CFAP54: variants seen among roughly 807,000 people sequenced by gnomAD.
The protein encoded by CFAP54 is cilia- and flagella-associated protein 54.
A neutral mutation model predicts 370.4 loss-of-function variants in CFAP54; 290 were observed. The observed-to-expected ratio is 0.78, with a 90% CI of 0.71 to 0.86. The LOEUF (loss-of-function observed/expected upper bound fraction) is 0.86, where lower values mean the gene tolerates loss of function less well. Among genes scored for constraint, CFAP54 ranks in the 40% least tolerant of loss-of-function variants. The pLI is 0.00. For synonymous variants in CFAP54, 1,206 were observed against 1,236.5 expected (o/e 0.98, Z 0.52); for missense variants, 3,399 against 3,528.7 (o/e 0.96, Z 0.93).
At chr12:96,826,719 C>T (rs1364429793) in intron 65 of CFAP54, among the ~76,000 whole-genome samples, 1 of 105,008 alleles carries the variant, frequency 9.5e-6, no homozygotes, top group Non-Finnish European at 1.7e-5. Flanking sequence ...TAATATACAA[C>T]AGAATATATT....
chr12:96,813,356 T>A (rs1958945113), intron 64 of CFAP54, among the ~76,000 whole-genome samples: 1 of 152,124 alleles, frequency 6.6e-6, no homozygotes, highest in Non-Finnish European at 1.5e-5. Flanking sequence ...TTCCTTGTGT[T>A]CTTATGAGGC....
At chr12:96,765,314 T>C in intron 60 of CFAP54, 96 bp downstream of exon 60, 1 of 1,155,452 alleles carries the variant, frequency 8.7e-7, no homozygotes, top group Non-Finnish European at 1.2e-6. Context: ...GGCTTTTAGC[T>C]TAGATGGGAT....
intron 67 of CFAP54, among the ~76,000 whole-genome samples, chr12:96,869,688 C>A (rs1960099344): frequency 1.3e-5 from 2 of 152,010 alleles, no homozygotes; most frequent in African/African-American, 4.8e-5. Flanking sequence ...GTAATCCCAG[C>A]ACTTTGGGAG....
intron 49 of CFAP54, among the ~76,000 whole-genome samples, chr12:96,720,169 C>T (rs1957731683): frequency 6.6e-6 from 1 of 152,214 alleles, no homozygotes; most frequent in African/African-American, 2.4e-5. Flanking sequence ...ACCAGCTGTG[C>T]ACACAAGAAA....
intron 32 of CFAP54, among the ~76,000 whole-genome samples, chr12:96,636,175 C>T (rs1592897753): frequency 6.6e-6 from 1 of 152,104 alleles, no homozygotes; most frequent in East Asian, 1.9e-4. Context: ...CTGGAAATTC[C>T]AAGGGTTTGA....
Position 96,792,142 on chromosome 12 carries a change from G to A in CFAP54, c.8680-187G>A, listed in dbSNP as rs61938371. ...TGGGATTACAGGCGTCAGCCACCGCGCCTGGCCAGCATATTTTTACTGTAG... is the reference window on the plus strand; with the variant it reads ...TGGGATTACAGGCGTCAGCCACCGCACCTGGCCAGCATATTTTTACTGTAG... On this transcript the variant is annotated intron_variant, in intron 62 of 67. Transcript: ENST00000524981. 7.8e-3 allele frequency among the ~76,000 whole-genome samples: 1,186 copies of A among 152,254 alleles called. 5 individuals are homozygous for A. Among genetic ancestry groups the A allele is most frequent in the Admixed American group, 0.014 (211 of 15,284 alleles).
chr12:96,854,490 C>T (rs548703050), intron 66 of CFAP54, among the ~76,000 whole-genome samples: 1 of 152,014 alleles, frequency 6.6e-6, no homozygotes, highest in East Asian at 1.9e-4. Context: ...AGGTAAATGG[C>T]ATATGACTAA....
In CFAP54 at chr12:96,743,422, C is replaced by G. The variant is rs1958073958; in HGVS notation, c.7240C>G (p.Leu2414Val). The change falls in exon 53 of 68, where the codon CTG (leucine) becomes GTG (valine). Residue 2414 changes from leucine to valine, a missense_variant. This residue lies in a region of CFAP54 where 2,796 missense variants were observed against 2,869.7 expected (regional missense o/e 0.97). Transcript: ENST00000524981. ...IVKEDDMTDC[L>V]SLINEVCMEA... is the part of the protein sequence containing the mutation. ...TTTAGAGGATGATATGACAGATTGC[C>G]TGAGCCTCATCAATGAAGTGTGTAT... 6.2e-7 allele frequency: 1 copy of G among 1,613,782 alleles called. No homozygotes were observed. Among genetic ancestry groups the G allele is most frequent in the African/African-American group, 1.3e-5 (1 of 74,892 alleles).
chr12:96,655,038 A>AT (rs1045285528), intron 36 of CFAP54, among the ~76,000 whole-genome samples: 3 of 151,396 alleles, frequency 2.0e-5, no homozygotes, highest in Non-Finnish European at 4.4e-5. Flanking sequence ...GGCCAAAAAA[A>AT]TTTTTTTTTA....
intron 39 of CFAP54, among the ~76,000 whole-genome samples, chr12:96,678,604 C>T (rs1322095871): frequency 6.6e-6 from 1 of 152,116 alleles, no homozygotes; most frequent in Non-Finnish European, 1.5e-5. Flanking sequence ...CTCTTTTGTC[C>T]TAATCAAGTT....
Position 96,708,549 on chromosome 12 carries a change from A to G in CFAP54, c.6529-59A>G, listed in dbSNP as rs1957570705. The G allele has an allele frequency of 2.1e-6, 3 of 1,423,484 alleles. No individual in the cohort carries two copies. The African/African-American group carries it at 4.4e-5, about 21-fold the overall frequency. The allele number at this position is 1,423,484 out of a possible 1,614,324, so 88.2% of individuals were successfully genotyped here. Reference sequence around the variant, plus strand: ...ATGTGAACTGCAAAAGAATGAATATAATAATATCTGAAAAAGTATTTTTCT... The same window carrying G: ...ATGTGAACTGCAAAAGAATGAATATGATAATATCTGAAAAAGTATTTTTCT... On this transcript the variant is annotated intron_variant, in intron 47 of 67. Transcript: ENST00000524981.
At chr12:96,530,261 G>T (rs115119847) in intron 9 of CFAP54, among the ~76,000 whole-genome samples, 1 of 152,198 alleles carries the variant, frequency 6.6e-6, no homozygotes, top group Non-Finnish European at 1.5e-5. Context: ...AGGCCAAGAC[G>T]AGCTGATCCC....
In CFAP54 at chr12:96,658,366, A is replaced by G. The variant is rs190770913; in HGVS notation, c.5460+20A>G. The G allele has an allele frequency of 5.6e-6, 9 of 1,613,000 alleles. No homozygotes were observed. The highest frequency in any genetic ancestry group is 5.3e-5 in the African/African-American group (4 of 75,040). On this transcript the variant is annotated intron_variant, in intron 38 of 67. Coordinates refer to ENST00000524981, the MANE Select transcript of CFAP54 (RefSeq NM_001306084.2). ...GAGAAGGTAAGTTTAAGTTAGTTCT[A>G]TTATTCATGCTGTTGTGATTTCTAA...
chr12:96,826,918 A>G (rs1959120566), intron 65 of CFAP54, among the ~76,000 whole-genome samples: 1 of 129,538 alleles, frequency 7.7e-6, no homozygotes, highest in African/African-American at 2.9e-5. Context: ...GCAATTATAT[A>G]TGATTATATA....
intron 39 of CFAP54, among the ~76,000 whole-genome samples, chr12:96,677,955 C>T (rs748140211): frequency 6.6e-6 from 1 of 152,184 alleles, no homozygotes; most frequent in Admixed American, 6.5e-5. Flanking sequence ...TCTTTAGGCT[C>T]ATTCCCATCC....
intron 9 of CFAP54, among the ~76,000 whole-genome samples, chr12:96,528,313 G>A (rs1955405372): frequency 6.6e-6 from 1 of 151,902 alleles, no homozygotes; most frequent in South Asian, 2.1e-4. Flanking sequence ...TTACTGAGTC[G>A]ATCAAATGGC....
At chr12:96,590,535 T>C (rs549266535) in intron 23 of CFAP54, among the ~76,000 whole-genome samples, 9 of 152,358 alleles carry the variant, frequency 5.9e-5, no homozygotes, top group African/African-American at 2.2e-4. Context: ...ATGCAAATAT[T>C]GCTTCAGGCA....
At chr12:96,638,398 G>A (rs1434114777) in intron 32 of CFAP54, among the ~76,000 whole-genome samples, 1 of 151,146 alleles carries the variant, frequency 6.6e-6, no homozygotes, top group Non-Finnish European at 1.5e-5. Flanking sequence ...ACCACACCTG[G>A]CTAATTTTTT....
rs558725214 is a variant in CFAP54 at position 96,616,269 on chromosome 12, A to G, written c.3640-5321A>G. 1.1e-3 allele frequency among the ~76,000 whole-genome samples: 170 copies of G among 152,250 alleles called. 1 individual carries two copies. The highest frequency in any genetic ancestry group is 4.0e-3 in the African/African-American group (167 of 41,524). Reference sequence around the variant, plus strand: ...CAGCAAACTATCCCAAAGACAAAAAACCAAACACCACATATTCTCACTCAT... The same window carrying G: ...CAGCAAACTATCCCAAAGACAAAAAGCCAAACACCACATATTCTCACTCAT... On this transcript the variant is annotated intron_variant, in intron 26 of 67. Coordinates refer to ENST00000524981, the MANE Select transcript of CFAP54 (RefSeq NM_001306084.2).
Sources: gnomAD v4.1 joint callset for allele counts (sites outside exome capture counted in the v4.1 genomes callset) on GRCh38, gnomAD v4.1.1 for gene constraint, gnomAD v4.1.1 regional missense constraint, MANE v1.5 for transcripts, NCBI Gene and HGNC (gene_info 2026-07-23, HGNC 2026-07-21) for gene names.